The following FBXO31 variants were observed in gnomAD, a reference collection of about 807,000 sequenced individuals.
The protein encoded by FBXO31 is F-box protein 31, also known as F-box only protein 31.
In FBXO31, 24 loss-of-function variants were observed where a neutral mutation model predicts 54.4. That is an observed-to-expected ratio of 0.44 (90% CI 0.32 to 0.62). The LOEUF (loss-of-function observed/expected upper bound fraction) is 0.62, where lower values mean the gene tolerates loss of function less well. FBXO31 is among the 20% of genes least tolerant of loss of function. The pLI is 0.05. For missense variants in FBXO31, 665 were observed against 787.1 expected (o/e 0.84, Z 1.86); for synonymous variants, 388 against 335.6 (o/e 1.16, Z -1.71).
intron 3 of FBXO31, among the ~76,000 whole-genome samples, chr16:87,344,395 C>G (rs891094): frequency 0.55 from 83,480 of 152,178 alleles, 24,245 homozygotes; most frequent in East Asian, 0.89. Context: ...GGGCGCCGAT[C>G]GTGCAAATGC....
At chr16:87,376,249 G>C (rs1906818604) in intron 1 of FBXO31, among the ~76,000 whole-genome samples, 5 of 151,790 alleles carry the variant, frequency 3.3e-5, no homozygotes, top group Admixed American at 3.3e-4. Context: ...TCTCTGTTGT[G>C]GGAAACTCAA....
In FBXO31 at chr16:87,331,073, A is replaced by T; in HGVS notation, c.*215T>A. On this transcript the variant is annotated 3_prime_UTR_variant, in exon 9 of 9. Transcript: ENST00000311635. ...GCTCGTTCTCTCTGTTTTTGGTAAGACATGCTCAGCTTCTTCCATCATGGC... is the reference window on the plus strand; with the variant it reads ...GCTCGTTCTCTCTGTTTTTGGTAAGTCATGCTCAGCTTCTTCCATCATGGC... 5.4e-6 allele frequency: 3 copies of T among 557,442 alleles called. No homozygotes were observed. The South Asian group carries it at 6.5e-5, about 12-fold the overall frequency. 34.5% of individuals were successfully genotyped at this position (557,442 alleles called of 1,614,324 possible). A position where few individuals can be genotyped will look rare whatever the true frequency, so the allele number is the denominator to read the frequency against.
intron 1 of FBXO31, among the ~76,000 whole-genome samples, chr16:87,371,962 G>A (rs1555513356): frequency 6.6e-6 from 1 of 152,024 alleles, no homozygotes; most frequent in Non-Finnish European, 1.5e-5. Flanking sequence ...AGTGGCTCAT[G>A]TATGTAATCC....
chr16:87,381,110 T>C (rs1228011233), intron 1 of FBXO31, among the ~76,000 whole-genome samples: 2 of 152,130 alleles, frequency 1.3e-5, no homozygotes, highest in Admixed American at 6.6e-5. Flanking sequence ...AGCAAATGGG[T>C]AGACTTCACA....
rs971356094 is a variant in FBXO31 at position 87,334,154 on chromosome 16, C to T, written c.1129G>A (p.Val377Met). 3 of 1,612,338 alleles carry T rather than the reference C, an allele frequency of 1.9e-6. No homozygotes were observed. The highest frequency in any genetic ancestry group is 1.3e-5 in the African/African-American group (1 of 74,924). Residue 377 changes from valine (V) to methionine (M), a missense_variant, in exon 8 of 9, where the codon GTG becomes ATG. Val to Met is a conservative substitution (Grantham distance 21). This residue lies in a region of FBXO31 where 165 missense variants were observed against 159.7 expected (regional missense o/e 1.03). Coordinates refer to ENST00000311635, the MANE Select transcript of FBXO31 (RefSeq NM_024735.5). ...SRIVLEVRERVRQEQQEGGHE... is the reference protein window; with the variant it reads ...SRIVLEVRERMRQEQQEGGHE... ...CCGCCTTCCTGCTGCTCCTGGCGCA[C>T]CCTCTCGCGCACCTCCAGGACGATG... is the stretch of plus-strand genomic sequence containing the variant.
rs906151427 is a variant in FBXO31, at chr16:87,335,647, C to T, written c.843-190G>A. On this transcript the variant is annotated intron_variant, in intron 6 of 8. Coordinates refer to ENST00000311635, the MANE Select transcript of FBXO31 (RefSeq NM_024735.5). The surrounding 1 kb of genome is among the most constrained non-coding windows in gnomAD (Gnocchi z 5.7). The stretch of plus-strand genomic sequence containing the variant: ...AGCCCTCACCCCCACCACCCACCAG[C>T]ACGCACGCTTCCAACAGGACTTCTG... 5.3e-5 allele frequency among the ~76,000 whole-genome samples: 8 copies of T among 152,174 alleles called. No individual in the cohort carries two copies. The highest frequency in any genetic ancestry group is 8.8e-5 in the Non-Finnish European group (6 of 68,018).
intron 2 of FBXO31, among the ~76,000 whole-genome samples, chr16:87,357,130 A>C (rs1395089628): frequency 6.6e-6 from 1 of 152,104 alleles, no homozygotes; most frequent in Non-Finnish European, 1.5e-5. Flanking sequence ...CTCTAGTCCC[A>C]GCTACTAGGG....
At chr16:87,339,120 G>A (rs886807746) in intron 5 of FBXO31, among the ~76,000 whole-genome samples, 2 of 152,164 alleles carry the variant, frequency 1.3e-5, no homozygotes, top group Admixed American at 6.5e-5. Flanking sequence ...CCCAGTCTTG[G>A]GTATGTCTTT....
At chr16:87,351,679 G>A (rs934214058) in intron 2 of FBXO31, among the ~76,000 whole-genome samples, 6 of 152,142 alleles carry the variant, frequency 3.9e-5, no homozygotes, top group African/African-American at 1.4e-4. Context: ...GACCAGCCTG[G>A]CCAACATGGT....
intron 1 of FBXO31, among the ~76,000 whole-genome samples, chr16:87,375,496 A>C (rs1906784712): frequency 6.6e-6 from 1 of 152,038 alleles, no homozygotes; most frequent in Non-Finnish European, 1.5e-5. Context: ...GTCTCAAAAA[A>C]TAAATAAATA....
Position 87,333,924 on chromosome 16 carries a change from G to A in FBXO31, c.1359C>T (p.Ser453=). The A allele has an allele frequency of 6.2e-6, 10 of 1,611,172 alleles. No homozygotes were observed. Among genetic ancestry groups the A allele is most frequent in the Non-Finnish European group, 8.5e-6 (10 of 1,178,750 alleles). The change falls in exon 8 of 9, where the codon AGC becomes AGT. Residue 453 remains serine (S), a synonymous_variant. Coordinates refer to ENST00000311635, the MANE Select transcript of FBXO31 (RefSeq NM_024735.5). ...TTCGGGGGTAGTCCTCATTCCTGGAGCTCACGCCCACGGGCAGCACGAACG... is the reference window on the plus strand; with the variant it reads ...TTCGGGGGTAGTCCTCATTCCTGGAACTCACGCCCACGGGCAGCACGAACG... The part of the protein sequence containing the change: ...GQPFVLPVGV[S]SRNEDYPRTC...
At chr16:87,333,707 G>C (rs1904942705) in intron 8 of FBXO31, among the ~76,000 whole-genome samples, 179 bp downstream of exon 8, 1 of 152,142 alleles carries the variant, frequency 6.6e-6, no homozygotes, top group African/African-American at 2.4e-5. Context: ...GCGGCCGCTT[G>C]CTCAGGTGCT....
At chr16:87,380,986 A>G (rs1907052101) in intron 1 of FBXO31, among the ~76,000 whole-genome samples, 1 of 152,314 alleles carries the variant, frequency 6.6e-6, no homozygotes, top group East Asian at 1.9e-4. Context: ...GGTTTCCCAA[A>G]CAAACCCCCC....
intron 1 of FBXO31, among the ~76,000 whole-genome samples, chr16:87,361,486 C>G (rs1025422846): frequency 6.6e-6 from 1 of 152,170 alleles, no homozygotes; most frequent in Non-Finnish European, 1.5e-5. Context: ...GAGAGCCTGA[C>G]AGTGACCTTG....
In FBXO31 at chr16:87,383,643, C is replaced by G; in HGVS notation, c.102G>C (p.Glu34Asp). Residue 34 changes from glutamate (E) to aspartate (D), a missense_variant, in exon 1 of 9, where the codon GAG becomes GAC. Physicochemically the swap from Glu to Asp is conservative, Grantham distance 45 (BLOSUM62 2). This residue lies in a region of FBXO31 where 195 missense variants were observed against 174.8 expected (regional missense o/e 1.12). Transcript: ENST00000311635. The surrounding 1 kb of genome is among the most constrained non-coding windows in gnomAD (Gnocchi z 4.9). ...GPAETAAADSEPDTDPEEERI... is the reference protein window; with the variant it reads ...GPAETAAADSDPDTDPEEERI... ...GCTCCTCCTCGGGGTCTGTGTCCGG[C>G]TCGCTGTCGGCCGCCGCCGTCTCGG... 2 of 1,359,362 alleles carry G rather than the reference C, an allele frequency of 1.5e-6. No individual in the cohort carries two copies. The highest frequency in any genetic ancestry group is 1.9e-6 in the Non-Finnish European group (2 of 1,059,424). The allele number at this position is 1,359,362 out of a possible 1,614,324, so 84.2% of individuals were successfully genotyped here.
rs746951686 is a variant in FBXO31, at chr16:87,343,780, G to A, written c.490-15C>T. On this transcript the variant is annotated splice_polypyrimidine_tract_variant and intron_variant, in intron 3 of 8. Coordinates refer to ENST00000311635, the MANE Select transcript of FBXO31 (RefSeq NM_024735.5). ...AGGCCGTCCACCTACAGGAGGAGAT[G>A]GGCAAAGGTCCATGAGTGGCTCCCG... 5 of 1,613,730 alleles carry A rather than the reference G, an allele frequency of 3.1e-6. No individual in the cohort carries two copies. In the African/African-American group the frequency reaches 4.0e-5, roughly 13 times the overall value.
chr16:87,374,247 A>G (rs1397329564), intron 1 of FBXO31, among the ~76,000 whole-genome samples: 1 of 144,044 alleles, frequency 6.9e-6, no homozygotes, highest in African/African-American at 2.6e-5. Flanking sequence ...CCACAAAAAG[A>G]AAAAAAAAAA....
chr16:87,341,512 C>A (rs995843989), intron 5 of FBXO31, among the ~76,000 whole-genome samples: 2 of 151,946 alleles, frequency 1.3e-5, no homozygotes, highest in South Asian at 4.1e-4. Context: ...AAAAATTAGC[C>A]AGGCATGGTG....
At chr16:87,371,896 A>T (rs902195275) in intron 1 of FBXO31, among the ~76,000 whole-genome samples, 36 of 148,478 alleles carry the variant, frequency 2.4e-4, no homozygotes, top group Non-Finnish European at 4.3e-4. Flanking sequence ...TTGTTTTTAA[A>T]TTTTTTTTTT....
Sources: allele counts gnomAD v4.1 joint callset (sites outside exome capture counted in the v4.1 genomes callset), GRCh38; gene constraint gnomAD v4.1.1; regional missense constraint gnomAD v4.1.1; non-coding constraint Gnocchi (gnomAD v3.1); transcripts MANE v1.5; gene names NCBI Gene and HGNC (gene_info 2026-07-23, HGNC 2026-07-21).